POLR1C: variants seen among roughly 807,000 people sequenced by gnomAD.
POLR1C encodes the protein RNA polymerase I and III subunit C.
A neutral mutation model predicts 38.3 loss-of-function variants in POLR1C; 42 were observed. The ratio of observed to expected loss-of-function variants is 1.10; its 90% CI spans 0.86 to 1.42. The LOEUF is 1.42. POLR1C is among the 40% of genes most tolerant of loss of function. The pLI, the probability that POLR1C is intolerant of heterozygous loss-of-function variation, is 0.00. For synonymous variants in POLR1C, 163 were observed against 163.9 expected (o/e 0.99, Z 0.04); for missense variants, 507 against 450.5 (o/e 1.13, Z -1.14).
In POLR1C at chr6:43,547,609, C is replaced by T. The variant is rs200463953; in HGVS notation, c.*5-3359C>T. 9.0e-4 allele frequency: 1,451 copies of T among 1,613,838 alleles called. 2 individuals are homozygous for T. The highest frequency in any genetic ancestry group is 1.2e-3 in the Non-Finnish European group (1,359 of 1,179,828). On this transcript the variant is annotated intron_variant, in intron 9 of 10. Coordinates refer to the POLR1C transcript ENST00000607635. ...TTCCCATTCCCAGGAAAGTCTTACT[C>T]GTGCACGGTTTAAGCCACACGGATC...
chr6:43,539,885 G>T (rs1189686593), intron 9 of POLR1C, among the ~76,000 whole-genome samples: 3 of 152,250 alleles, frequency 2.0e-5, no homozygotes, highest in African/African-American at 7.2e-5. Context: ...ATCTCTTTAG[G>T]TTTTCTATCT....
chr6:43,552,834 A>G (rs1217444486), intron 10 of POLR1C, among the ~76,000 whole-genome samples: 1 of 152,210 alleles, frequency 6.6e-6, no homozygotes, highest in African/African-American at 2.4e-5. Flanking sequence ...GGTGGCGTAC[A>G]GTATTCTAAA....
downstream of POLR1C, chr6:43,525,994 G>A (rs778143701): frequency 4.2e-5 from 65 of 1,549,708 alleles, no homozygotes; most frequent in Middle Eastern, 1.9e-4. Flanking sequence ...TGACAGAAGC[G>A]CAAAAAACAA....
intron 10 of POLR1C, among the ~76,000 whole-genome samples, chr6:43,554,267 G>T (rs545333944): frequency 2.6e-5 from 4 of 151,622 alleles, no homozygotes; most frequent in Non-Finnish European, 5.9e-5. Flanking sequence ...CACCATGCCC[G>T]GCTAATTTTT....
chr6:43,555,947 CTTG>C, intron 10 of POLR1C: 2 of 1,613,902 alleles, frequency 1.2e-6, no homozygotes, highest in Non-Finnish European at 1.7e-6. Context: ...ATCACCTCTC[CTTG>C]TTGTGCTCGG....
intron 9 of POLR1C, among the ~76,000 whole-genome samples, chr6:43,536,432 A>G (rs1411724252): frequency 6.7e-6 from 1 of 149,994 alleles, no homozygotes; most frequent in Non-Finnish European, 1.5e-5. Flanking sequence ...AAAAAAAGTC[A>G]TTCACTAACC....
intron 9 of POLR1C, chr6:43,538,725 AAAAT>A (rs1446546734): frequency 2.8e-5 from 14 of 493,240 alleles, no homozygotes; most frequent in Middle Eastern, 5.1e-4. Flanking sequence ...TTTTGGTATC[AAAAT>A]AAATAAGCCT....
downstream of POLR1C, chr6:43,531,675 T>C: frequency 5.0e-6 from 5 of 990,168 alleles, no homozygotes; most frequent in Non-Finnish European, 8.1e-6. Flanking sequence ...GGTGAAGATG[T>C]GTGCATGTCT....
At chr6:43,519,548 G>A in intron 3 of POLR1C, 108 bp downstream of exon 3, 1 of 1,407,492 alleles carries the variant, frequency 7.1e-7, no homozygotes, top group Non-Finnish European at 1.0e-6. Flanking sequence ...AATTTTCCTG[G>A]AATTTTGCTG....
intron 10 of POLR1C, chr6:43,558,456 C>T (rs1762231729): frequency 2.0e-6 from 3 of 1,497,492 alleles, no homozygotes; most frequent in African/African-American, 1.4e-5. Context: ...ATACTAGATG[C>T]CATTCTGAGA....
chr6:43,535,075 G>A (rs899511262), intron 9 of POLR1C, among the ~76,000 whole-genome samples: 5 of 149,154 alleles, frequency 3.4e-5, no homozygotes, highest in African/African-American at 1.2e-4. Context: ...GGTGGATCAC[G>A]AGGTCATGAG....
downstream of POLR1C, chr6:43,526,365 G>T: frequency 2.3e-6 from 1 of 436,702 alleles, no homozygotes; most frequent in South Asian, 2.8e-5. Flanking sequence ...TAAAGCAGAG[G>T]AATACAGAGT....
At chr6:43,530,117 C>A (rs1022853617), downstream of POLR1C, among the ~76,000 whole-genome samples, 1 of 151,918 alleles carries the variant, frequency 6.6e-6, no homozygotes, top group South Asian at 2.1e-4. Context: ...ATTAGCTGGG[C>A]GTAGTAGCAT....
downstream of POLR1C, chr6:43,523,463 G>A (rs188951994): frequency 1.3e-4 from 46 of 352,902 alleles, no homozygotes; most frequent in Non-Finnish European, 7.3e-5. Flanking sequence ...ACAAGTAGTT[G>A]AGGGCTGTGC....
downstream of POLR1C, among the ~76,000 whole-genome samples, chr6:43,529,923 A>AAG (rs1306780071): frequency 6.6e-6 from 1 of 151,662 alleles, no homozygotes; most frequent in East Asian, 1.9e-4. Context: ...AAAAAAAAAA[A>AAG]AAAAGTGCTT....
At chr6:43,545,685 GTGA>G (rs1794930474) in intron 9 of POLR1C, among the ~76,000 whole-genome samples, 1 of 151,680 alleles carries the variant, frequency 6.6e-6, no homozygotes, top group African/African-American at 2.4e-5. Flanking sequence ...CCCAGCCTGG[GTGA>G]CAAAGTGAGA....
intron 9 of POLR1C, chr6:43,546,751 A>C: frequency 6.4e-7 from 1 of 1,569,912 alleles, no homozygotes; most frequent in Non-Finnish European, 8.6e-7. Context: ...ACAAAAGCTC[A>C]TCTATAGAAA....
intron 9 of POLR1C, among the ~76,000 whole-genome samples, chr6:43,537,107 T>C (rs1363223753): frequency 1.3e-5 from 2 of 151,668 alleles, no homozygotes; most frequent in African/African-American, 4.8e-5. Context: ...GCTGGGACTA[T>C]AAGTGTGCAC....
At chr6:43,553,980 A>C (rs1176075175) in intron 10 of POLR1C, among the ~76,000 whole-genome samples, 1 of 152,222 alleles carries the variant, frequency 6.6e-6, no homozygotes, top group Non-Finnish European at 1.5e-5. Flanking sequence ...ACTGCTTCAC[A>C]TCCAATAGCC....
Sources: gnomAD v4.1 joint callset for allele counts (sites outside exome capture counted in the v4.1 genomes callset) on GRCh38, gnomAD v4.1.1 for gene constraint, MANE v1.5 for transcripts, NCBI Gene and HGNC (gene_info 2026-07-23, HGNC 2026-07-21) for gene names.